The following PM20D1 variants were observed in gnomAD, a reference collection of about 807,000 sequenced individuals.
PM20D1 encodes the protein peptidase M20 domain containing 1.
A neutral mutation model predicts 53.8 loss-of-function variants in PM20D1; 53 were observed. The ratio of observed to expected loss-of-function variants is 0.98; its 90% CI spans 0.79 to 1.24. PM20D1 has a LOEUF of 1.24. PM20D1 is among the 50% of genes most tolerant of loss of function. The pLI, the probability that PM20D1 is intolerant of heterozygous loss-of-function variation, is 0.00. For synonymous variants in PM20D1, 239 were observed against 241.3 expected, an observed-to-expected ratio of 0.99 and a Z score of 0.09; for missense variants, 564 against 616.8, an observed-to-expected ratio of 0.91 and a Z score of 0.91.
Position 205,830,343 on chromosome 1 carries a change from G to A in PM20D1, c.1322C>T (p.Thr441Ile), listed in dbSNP as rs1337980426. 1.2e-6 allele frequency: 2 copies of A among 1,612,746 alleles called. No individual in the cohort carries two copies. Among genetic ancestry groups the A allele is most frequent in the African/African-American group, 2.7e-5 (2 of 74,876 alleles). ...CCTGTAGATGCCAGTGGTGAGGTTTGTAAAGAATCGGCTGTCTGTGTTGCC... is the reference window on the plus strand; with the variant it reads ...CCTGTAGATGCCAGTGGTGAGGTTTATAAAGAATCGGCTGTCTGTGTTGCC... ...SIGNTDSRFF[T>I]NLTTGIYRFY... Residue 441 changes from threonine (T) to isoleucine (I), a missense_variant, in exon 12 of 13, where the codon ACA (threonine) becomes ATA (isoleucine). Thr to Ile is a moderately conservative substitution (Grantham distance 89, BLOSUM62 -1). Coordinates refer to ENST00000367136, the MANE Select transcript of PM20D1 (RefSeq NM_152491.5).
chr1:205,846,530 A>G (rs1656988809), intron 2 of PM20D1, among the ~76,000 whole-genome samples: 1 of 152,226 alleles, frequency 6.6e-6, no homozygotes, highest in South Asian at 2.1e-4. Context: ...CGCATTAACC[A>G]AATTATATTA....
chr1:205,828,792 A>G (rs372029611), intron 12 of PM20D1, 49 bp from the exon 13 acceptor site: 8 of 1,608,856 alleles, frequency 5.0e-6, no homozygotes, highest in Admixed American at 1.7e-5. Flanking sequence ...GCCAAGTGCC[A>G]CAGCACAAGT....
chr1:205,848,674 G>A (rs377663075), intron 1 of PM20D1, among the ~76,000 whole-genome samples: 1 of 152,176 alleles, frequency 6.6e-6, no homozygotes, highest in Non-Finnish European at 1.5e-5. Flanking sequence ...CACTGGGAGG[G>A]AAAGCATGAA....
chr1:205,843,423 C>G (rs1018425191), intron 6 of PM20D1, among the ~76,000 whole-genome samples: 2 of 152,176 alleles, frequency 1.3e-5, no homozygotes, highest in Non-Finnish European at 2.9e-5. Flanking sequence ...TTGAGATGAC[C>G]CCAGCCTGGT....
At position 205,830,353 on chromosome 1, in the gene PM20D1, G is replaced by A. The variant is rs1441496370; in HGVS notation, c.1312C>T (p.Arg438Ter). Residue 438 changes from arginine to a stop codon, truncating the protein, a stop_gained, in exon 12 of 13, where the codon CGA becomes TGA. Coordinates refer to ENST00000367136, the MANE Select transcript of PM20D1 (RefSeq NM_152491.5). LOFTEE classifies it high-confidence loss of function. Reference sequence around the variant, plus strand: ...CCAGTGGTGAGGTTTGTAAAGAATCGGCTGTCTGTGTTGCCAATAGAAGTA... The same window carrying A: ...CCAGTGGTGAGGTTTGTAAAGAATCAGCTGTCTGTGTTGCCAATAGAAGTA... Reference protein sequence around the residue: ...PVTSIGNTDSRFFTNLTTGIY... With the variant: ...PVTSIGNTDS 4 of 1,612,124 alleles carry A rather than the reference G, an allele frequency of 2.5e-6. No individual in the cohort carries two copies. Among genetic ancestry groups the A allele is most frequent in the South Asian group, 1.1e-5 (1 of 91,010 alleles).
intron 10 of PM20D1, among the ~76,000 whole-genome samples, chr1:205,835,607 G>A (rs1656667141): frequency 7.7e-6 from 1 of 130,202 alleles, no homozygotes; most frequent in South Asian, 2.7e-4. Flanking sequence ...GGCCAAGATC[G>A]TGCCACTGCA....
Position 205,845,500 on chromosome 1 carries a change from C to T in PM20D1, c.314G>A (p.Ser105Asn). The T allele has an allele frequency of 1.9e-6, 3 of 1,614,200 alleles. No individual in the cohort carries two copies. Among genetic ancestry groups the T allele is most frequent in the Non-Finnish European group, 2.5e-6 (3 of 1,180,038 alleles). The change falls in exon 3 of 13, where the codon AGC becomes AAC. Residue 105 changes from serine to asparagine, a missense_variant. Transcript: ENST00000367136. ...CGAGCCTTGGATAGTGAACAGGTGG[C>T]TATACTCTTCCACGACTTCATGCTG... ...FIQHEVVEEY[S>N]HLFTIQGSDP... is the part of the protein sequence containing the mutation.
intron 10 of PM20D1, among the ~76,000 whole-genome samples, chr1:205,838,092 G>A (rs1198862137): frequency 6.6e-6 from 1 of 152,070 alleles, no homozygotes; most frequent in African/African-American, 2.4e-5. Flanking sequence ...CTTGCATGAG[G>A]ACAATTAAAG....
intron 7 of PM20D1, 60 bp from the exon 8 acceptor site, chr1:205,842,275 A>C: frequency 6.8e-7 from 1 of 1,470,082 alleles, no homozygotes; most frequent in Non-Finnish European, 9.5e-7. Context: ...GGTCTCTGAG[A>C]CCTGAGTCTC....
chr1:205,840,048 C>T (rs1032847046), intron 10 of PM20D1, among the ~76,000 whole-genome samples: 4 of 151,826 alleles, frequency 2.6e-5, no homozygotes, highest in African/African-American at 7.3e-5. Flanking sequence ...TATTCATACT[C>T]ATCTTCCATT....
chr1:205,839,045 A>C (rs1656747425), intron 10 of PM20D1, among the ~76,000 whole-genome samples: 1 of 152,154 alleles, frequency 6.6e-6, no homozygotes, highest in South Asian at 2.1e-4. Flanking sequence ...TCTAAAAGCA[A>C]ATCTGAGTAT....
Position 205,828,664 on chromosome 1 carries a change from C to T in PM20D1, c.1465G>A (p.Ala489Thr). ...VKFIFELIQN[A>T]DTDQEPVSHL... ...GAAACTGGCTCCTGGTCTGTGTCAG[C>T]ATTCTGAATCAACTCAAAGATGAAT... The change falls in exon 13 of 13, where the codon GCT becomes ACT. Residue 489 changes from alanine to threonine, a missense_variant. By Grantham distance (58) the Ala-to-Thr change is moderately conservative. Coordinates refer to ENST00000367136, the MANE Select transcript of PM20D1 (RefSeq NM_152491.5). 3 of 1,614,170 alleles carry T rather than the reference C, an allele frequency of 1.9e-6. No individual in the cohort carries two copies. The highest frequency in any genetic ancestry group is 2.5e-6 in the Non-Finnish European group (3 of 1,180,022).
chr1:205,841,947 G>A, intron 8 of PM20D1, 58 bp from the exon 9 acceptor site: 1 of 1,469,864 alleles, frequency 6.8e-7, no homozygotes, highest in Admixed American at 2.0e-5. Context: ...GAAGGAAAGG[G>A]CGGAAACATT....
intron 3 of PM20D1, 122 bp downstream of exon 3, chr1:205,845,203 C>T (rs1656922201): frequency 2.0e-6 from 2 of 1,000,514 alleles, no homozygotes; most frequent in African/African-American, 3.2e-5. Flanking sequence ...ATGGCTGGAA[C>T]CCAGGTCTCC....
chr1:205,829,090 G>A (rs1656503072), intron 12 of PM20D1, among the ~76,000 whole-genome samples: 1 of 152,206 alleles, frequency 6.6e-6, no homozygotes, highest in Non-Finnish European at 1.5e-5. Context: ...GACTGCAGTG[G>A]TACAATCACA....
rs1462860069 is a variant in PM20D1, at chr1:205,840,127, T to C, written c.1116+125A>G. 3 of 736,650 alleles carry C rather than the reference T, an allele frequency of 4.1e-6. No individual in the cohort carries two copies. In the East Asian group the frequency reaches 9.0e-5, roughly 22 times the overall value. 45.6% of individuals were successfully genotyped at this position (736,650 alleles called of 1,614,324 possible). On this transcript the variant is annotated intron_variant, in intron 10 of 12. Coordinates refer to ENST00000367136, the MANE Select transcript of PM20D1 (RefSeq NM_152491.5). ...GAAGTATCCGGTGCATAGGTTGTCT[T>C]TGAAAAATGTTGGTTGAATAAATGG... is the stretch of plus-strand genomic sequence containing the variant.
At chr1:205,844,287 G>C in intron 4 of PM20D1, 70 bp from the exon 5 acceptor site, 2 of 1,474,614 alleles carry the variant, frequency 1.4e-6, no homozygotes, top group Non-Finnish European at 1.8e-6. Flanking sequence ...AGCTAATGGG[G>C]ACCTATTCAG....
In PM20D1 at chr1:205,828,591, G is replaced by A. The variant is rs1375375211; in HGVS notation, c.*29C>T. The A allele has an allele frequency of 1.2e-6, 2 of 1,613,088 alleles. No homozygotes were observed. Among genetic ancestry groups the A allele is most frequent in the African/African-American group, 1.3e-5 (1 of 74,924 alleles). ...TGGGTTAGTCCTGTCCCGGGGTCGG[G>A]CATGCCTAACCCAGCAGGCCCCTTG... On this transcript the variant is annotated 3_prime_UTR_variant, in exon 13 of 13. Transcript: ENST00000367136.
intron 10 of PM20D1, among the ~76,000 whole-genome samples, chr1:205,836,617 C>T (rs7546846): frequency 0.12 from 18,361 of 152,134 alleles, 1,437 homozygotes; most frequent in East Asian, 0.3. Context: ...AAGAGATCCT[C>T]CTGCCTCAGC....
Sources: allele counts gnomAD v4.1 joint callset (sites outside exome capture counted in the v4.1 genomes callset), GRCh38; gene constraint gnomAD v4.1.1; transcripts MANE v1.5; gene names NCBI Gene and HGNC (gene_info 2026-07-23, HGNC 2026-07-21).